Variants in CELF4 observed in about 807,000 individuals in gnomAD.
CELF4 encodes the protein CUG-BP- and ETR-3-like factor 4.
In CELF4, 18 loss-of-function variants were observed where a neutral mutation model predicts 59.9. The ratio of observed to expected loss-of-function variants is 0.30; its 90% confidence interval spans 0.21 to 0.45. The LOEUF (loss-of-function observed/expected upper bound fraction) is 0.45. CELF4 is among the 20% of genes least tolerant of loss of function. The pLI is 1.00. For missense variants in CELF4, 456 were observed against 689.0 expected, an observed-to-expected ratio of 0.66 and a Z score of 3.79; for synonymous variants, 261 against 267.1, an observed-to-expected ratio of 0.98 and a Z score of 0.22.
intron 2 of CELF4, among the ~76,000 whole-genome samples, chr18:37,418,348 G>T (rs987095455): frequency 6.6e-6 from 1 of 152,218 alleles, no homozygotes; most frequent in Non-Finnish European, 1.5e-5. Flanking sequence ...CAAGCAGTCA[G>T]CATATCCCCA....
At chr18:37,485,645 G>T in intron 1 of CELF4, 38 bp from the exon 2 acceptor site, 4 of 1,318,170 alleles carry the variant, frequency 3.0e-6, no homozygotes, top group Non-Finnish European at 3.9e-6. Flanking sequence ...GGTCAGTGGG[G>T]CGCCCCCGGG....
At chr18:37,402,510 G>A (rs1012447244) in intron 2 of CELF4, among the ~76,000 whole-genome samples, 1 of 152,086 alleles carries the variant, frequency 6.6e-6, no homozygotes. Context: ...TTCTGAGTGG[G>A]AGCCCCTTCT....
chr18:37,374,415 C>A (rs572877457), intron 2 of CELF4, among the ~76,000 whole-genome samples: 1 of 152,174 alleles, frequency 6.6e-6, no homozygotes, highest in Non-Finnish European at 1.5e-5. Context: ...GCTGGAACAT[C>A]CATATTCCCT....
At chr18:37,506,091 C>T (rs117129354) in intron 1 of CELF4, among the ~76,000 whole-genome samples, 4,644 of 151,744 alleles carry the variant, frequency 0.031, 92 homozygotes, top group Middle Eastern at 0.11. Context: ...CGCCGCCCCC[C>T]TGTTCTTTTG....
chr18:37,460,820 C>A (rs1687120942), intron 2 of CELF4, among the ~76,000 whole-genome samples: 1 of 152,202 alleles, frequency 6.6e-6, no homozygotes, highest in Admixed American at 6.5e-5. Flanking sequence ...GCCTCTCTGG[C>A]AGTCTTGGAA....
intron 2 of CELF4, among the ~76,000 whole-genome samples, chr18:37,349,606 C>A (rs972211594): frequency 6.6e-6 from 1 of 152,166 alleles, no homozygotes; most frequent in Non-Finnish European, 1.5e-5. Context: ...CTGTGCCAAG[C>A]GCTAGGGTGT....
chr18:37,456,745 A>G (rs1232734396), intron 2 of CELF4, among the ~76,000 whole-genome samples: 1 of 152,130 alleles, frequency 6.6e-6, no homozygotes, highest in East Asian at 1.9e-4. Context: ...CGGATGCTCA[A>G]TCTGGGGCCT....
chr18:37,409,173 A>G (rs1218713830), intron 2 of CELF4, among the ~76,000 whole-genome samples: 2 of 152,230 alleles, frequency 1.3e-5, no homozygotes, highest in Non-Finnish European at 2.9e-5. Context: ...GATTTCCCAC[A>G]TGAATAAACA....
chr18:37,243,195 T>C lies in CELF4; in HGVS notation c.*2047A>G, dbSNP rs1380177789. 2 of 147,664 alleles carry C rather than the reference T, an allele frequency of 1.4e-5. No individual in the cohort carries two copies. The highest frequency in any genetic ancestry group is 3.0e-5 in the Non-Finnish European group (2 of 66,876). 9.1% of individuals were successfully genotyped at this position (147,664 alleles called of 1,614,324 possible). A position where few individuals can be genotyped will look rare whatever the true frequency, so the allele number is the denominator to read the frequency against. On this transcript the variant is annotated 3_prime_UTR_variant, in exon 13 of 13. Coordinates refer to ENST00000420428, the MANE Select transcript of CELF4 (RefSeq NM_020180.4). ...TTTTTTTTCTTTTTTTCTTTTTTTT[T>C]TTTTTTTTTTTACATCTGGACATCC...
intron 2 of CELF4, among the ~76,000 whole-genome samples, chr18:37,332,582 C>A (rs529223822): frequency 2.0e-5 from 3 of 152,194 alleles, no homozygotes; most frequent in Non-Finnish European, 2.9e-5. Flanking sequence ...AGGGGCAGGG[C>A]TGGGTTGGCA....
intron 2 of CELF4, among the ~76,000 whole-genome samples, chr18:37,355,677 C>T (rs201005077): frequency 1.4e-5 from 2 of 145,986 alleles, no homozygotes; most frequent in Non-Finnish European, 3.0e-5. Context: ...CATCCCCACC[C>T]ACCCCACCTC....
At chr18:37,555,670 C>T (rs1464813997) in intron 1 of CELF4, among the ~76,000 whole-genome samples, 1 of 152,220 alleles carries the variant, frequency 6.6e-6, no homozygotes, top group Non-Finnish European at 1.5e-5. Flanking sequence ...TAATGGATAT[C>T]TATACGCTGA....
chr18:37,499,839 C>T (rs951968764), intron 1 of CELF4, among the ~76,000 whole-genome samples: 6 of 152,242 alleles, frequency 3.9e-5, no homozygotes, highest in Middle Eastern at 3.2e-3. Flanking sequence ...CAGCACAGTC[C>T]TGGCACCAAG....
At chr18:37,266,416 A>G (rs1016031228) in intron 9 of CELF4, 117 bp downstream of exon 9, 25 of 1,071,826 alleles carry the variant, frequency 2.3e-5, no homozygotes, top group African/African-American at 1.9e-4. Context: ...CCCTCTTTCC[A>G]CTCTCTCTCC....
intron 2 of CELF4, among the ~76,000 whole-genome samples, chr18:37,341,929 T>C (rs2098059046): frequency 6.6e-6 from 1 of 152,176 alleles, no homozygotes; most frequent in Admixed American, 6.5e-5. Flanking sequence ...CTGACTCATC[T>C]GGGTCTCCTT....
intron 3 of CELF4, among the ~76,000 whole-genome samples, chr18:37,310,091 A>G (rs537261558): frequency 6.6e-5 from 10 of 152,162 alleles, no homozygotes; most frequent in Middle Eastern, 6.8e-3. Flanking sequence ...CTATAAAAAT[A>G]AAATGACAAC....
intron 3 of CELF4, among the ~76,000 whole-genome samples, chr18:37,318,146 G>A (rs191382955): frequency 2.6e-5 from 4 of 152,260 alleles, no homozygotes; most frequent in South Asian, 2.1e-4. Flanking sequence ...TCGGGGACTC[G>A]TAACCTGGTT....
chr18:37,509,034 T>A (rs955465852), intron 1 of CELF4, among the ~76,000 whole-genome samples: 4 of 152,208 alleles, frequency 2.6e-5, no homozygotes, highest in African/African-American at 9.6e-5. Flanking sequence ...CCATCTCGAT[T>A]GTTCTGGGAT....
At chr18:37,522,688 C>T (rs1168646737) in intron 1 of CELF4, among the ~76,000 whole-genome samples, 8 of 152,084 alleles carry the variant, frequency 5.3e-5, no homozygotes, top group Non-Finnish European at 7.4e-5. Context: ...TTCAGTGGTC[C>T]CATCACCCCT....
Sources: gnomAD v4.1 joint callset for allele counts (sites outside exome capture counted in the v4.1 genomes callset) on GRCh38, gnomAD v4.1.1 for gene constraint, MANE v1.5 for transcripts, NCBI Gene and HGNC (gene_info 2026-07-23, HGNC 2026-07-21) for gene names.